The following SAMD3 variants were observed in gnomAD, a reference collection of about 807,000 sequenced individuals.
SAMD3 encodes the protein sterile alpha motif domain containing 3.
A neutral mutation model predicts 58.5 loss-of-function variants in SAMD3; 63 were observed. That is an observed-to-expected ratio of 1.08 (90% confidence interval 0.88 to 1.33). SAMD3 has a LOEUF of 1.33. SAMD3 is among the 40% of genes most tolerant of loss of function. The probability of loss-of-function intolerance (pLI) is 0.00; values close to 1 mark genes in which losing one functional copy is unlikely to be tolerated. For synonymous variants in SAMD3, 220 were observed against 210.3 expected (o/e 1.05, Z -0.40); for missense variants, 604 against 608.4 (o/e 0.99, Z 0.08).
chr6:130,214,495 T>C lies in SAMD3; in HGVS notation c.111A>G (p.Ala37=). ...GTTGCTGAACCATCCGATCATTAAG[T>C]GCAAGAAGAGCGGCCCCACTTACTT... is the stretch of plus-strand genomic sequence containing the variant. The part of the protein sequence containing the change: ...EEEVSGAALL[A]LNDRMVQQLV... Residue 37 remains alanine (A), a synonymous_variant, in exon 4 of 12, where the codon GCA becomes GCG. Transcript: ENST00000439090. 3.1e-6 allele frequency: 5 copies of C among 1,607,916 alleles called. No homozygotes were observed. The highest frequency in any genetic ancestry group is 4.2e-6 in the Non-Finnish European group (5 of 1,177,418).
intron 1 of SAMD3, among the ~76,000 whole-genome samples, chr6:130,220,533 G>C (rs184568445): frequency 4.5e-4 from 69 of 152,338 alleles, no homozygotes; most frequent in African/African-American, 1.6e-3. Context: ...GATGGTAACT[G>C]TGAACTGTGC....
chr6:130,341,860 C>T (rs1353480171), intron 1 of SAMD3, among the ~76,000 whole-genome samples: 1 of 152,174 alleles, frequency 6.6e-6, no homozygotes, highest in African/African-American at 2.4e-5. Flanking sequence ...GTGTTTTCCA[C>T]CTCTAAACAC....
chr6:130,284,928 G>A (rs904695461), intron 2 of SAMD3, among the ~76,000 whole-genome samples: 1 of 152,186 alleles, frequency 6.6e-6, no homozygotes, highest in African/African-American at 2.4e-5. Context: ...ATAAATGCTT[G>A]TTCCATAATA....
intron 2 of SAMD3, among the ~76,000 whole-genome samples, chr6:130,295,504 C>T (rs1439316995): frequency 2.6e-5 from 4 of 152,160 alleles, no homozygotes; most frequent in African/African-American, 9.7e-5. Context: ...ATTTTCAAGT[C>T]TAAGAAGAAA....
In SAMD3 at chr6:130,235,106, C is replaced by G. The variant is rs535929568; in HGVS notation, c.-187-12293G>C. Among the ~76,000 whole-genome samples the G allele has an allele frequency of 2.0e-5, 3 of 152,110 alleles. No homozygotes were observed. In the South Asian group the frequency reaches 6.2e-4, roughly 32 times the overall value. ...CTCCAGCCTGGGCTACAGAGCATAA[C>G]CCTGTCTCAAAAAAAAGGAAATAGG... On this transcript the variant is annotated intron_variant, in intron 2 of 13. Coordinates refer to the SAMD3 transcript ENST00000368134.
chr6:130,188,170 C>T (rs1245420978), intron 5 of SAMD3, among the ~76,000 whole-genome samples: 2 of 152,074 alleles, frequency 1.3e-5, no homozygotes, highest in African/African-American at 4.8e-5. Context: ...GAAAAAATAT[C>T]CAATTCTTTC....
At chr6:130,150,401 TTGGAAA>T (rs1374445897) in intron 9 of SAMD3, among the ~76,000 whole-genome samples, 2 of 151,872 alleles carry the variant, frequency 1.3e-5, no homozygotes, top group Admixed American at 6.6e-5. Flanking sequence ...GAACCAAGAG[TTGGAAA>T]TGGGAATGGC....
intron 5 of SAMD3, among the ~76,000 whole-genome samples, chr6:130,195,698 C>T (rs1366271430): frequency 6.6e-6 from 1 of 152,186 alleles, no homozygotes. Context: ...GGCTGTACTG[C>T]TGCAAGGCTT....
chr6:130,250,958 G>A (rs1254909251), intron 2 of SAMD3, among the ~76,000 whole-genome samples: 1 of 152,136 alleles, frequency 6.6e-6, no homozygotes, highest in African/African-American at 2.4e-5. Flanking sequence ...TATATACTTA[G>A]CAGTGGTATT....
chr6:130,204,924 A>T (rs1452132477), intron 5 of SAMD3, among the ~76,000 whole-genome samples: 2 of 152,018 alleles, frequency 1.3e-5, no homozygotes, highest in Admixed American at 1.3e-4. Flanking sequence ...TTGGGACCTC[A>T]CAGGACTACA....
intron 1 of SAMD3, among the ~76,000 whole-genome samples, chr6:130,347,141 A>G (rs1040493168): frequency 6.6e-6 from 1 of 152,230 alleles, no homozygotes; most frequent in Admixed American, 6.5e-5. Flanking sequence ...AAAACAGAGC[A>G]GAAAAACTGG....
intron 1 of SAMD3, among the ~76,000 whole-genome samples, chr6:130,353,499 A>G (rs911592194): frequency 4.6e-5 from 7 of 152,242 alleles, no homozygotes; most frequent in African/African-American, 1.7e-4. Flanking sequence ...TATAGGAAAT[A>G]AAGGTACAAC....
chr6:130,175,653 T>C (rs771940630), intron 8 of SAMD3, 188 bp downstream of exon 8: 2 of 427,360 alleles, frequency 4.7e-6, no homozygotes, highest in Non-Finnish European at 8.2e-6. Context: ...GTTTTGGGAA[T>C]TCTTTTCTTG....
At chr6:130,164,449 A>G (rs749512663) in intron 8 of SAMD3, among the ~76,000 whole-genome samples, 2 of 152,200 alleles carry the variant, frequency 1.3e-5, no homozygotes, top group Non-Finnish European at 2.9e-5. Flanking sequence ...TTGTAAAACC[A>G]CAAGGGAGGA....
At chr6:130,332,743 T>G (rs1776972490) in intron 1 of SAMD3, among the ~76,000 whole-genome samples, 1 of 152,066 alleles carries the variant, frequency 6.6e-6, no homozygotes, top group African/African-American at 2.4e-5. Context: ...AGAAAGAATT[T>G]TGCTGTGAAG....
intron 1 of SAMD3, among the ~76,000 whole-genome samples, chr6:130,317,865 T>A (rs2114996940): frequency 6.6e-6 from 1 of 152,342 alleles, no homozygotes; most frequent in East Asian, 1.9e-4. Context: ...GCTGCAGGCC[T>A]ATATTCTCAG....
At chr6:130,335,951 A>G (rs1169046889) in intron 1 of SAMD3, among the ~76,000 whole-genome samples, 2 of 152,082 alleles carry the variant, frequency 1.3e-5, no homozygotes, top group Admixed American at 6.6e-5. Context: ...ACTCATAGGT[A>G]GGAACTGAAC....
chr6:130,347,323 C>G (rs2115030702), intron 1 of SAMD3, among the ~76,000 whole-genome samples: 1 of 152,094 alleles, frequency 6.6e-6, no homozygotes, highest in South Asian at 2.1e-4. Flanking sequence ...AAGGTAAAAA[C>G]CTTGAAAAAA....
At chr6:130,216,096 C>CA (rs11372055) in intron 2 of SAMD3, among the ~76,000 whole-genome samples, 119,250 of 151,996 alleles carry the variant, frequency 0.78, 47,224 homozygotes, top group African/African-American at 0.88. Flanking sequence ...GAAGCGTAGG[C>CA]AAGTTTGCAA....
Sources: allele counts gnomAD v4.1 joint callset (sites outside exome capture counted in the v4.1 genomes callset), GRCh38; gene constraint gnomAD v4.1.1; transcripts MANE v1.5; gene names NCBI Gene and HGNC (gene_info 2026-07-23, HGNC 2026-07-21).